Variants in PDE1A observed in about 807,000 individuals in gnomAD.
PDE1A encodes the protein dual specificity calcium/calmodulin-dependent 3',5'-cyclic nucleotide phosphodiesterase 1A.
Under a neutral mutation model 61.7 loss-of-function variants are expected in PDE1A, and 35 were observed. The ratio of observed to expected loss-of-function variants is 0.57; its 90% confidence interval spans 0.43 to 0.75. The LOEUF is 0.75. Ranked by LOEUF, PDE1A falls within the 30% of genes least tolerant of loss-of-function variation. PDE1A has a pLI of 0.00. For synonymous variants in PDE1A, 232 were observed against 213.2 expected, an observed-to-expected ratio of 1.09 and a Z score of -0.77; for missense variants, 597 against 630.6, an observed-to-expected ratio of 0.95 and a Z score of 0.57.
At chr2:182,180,232 TATAG>T (rs1684640454) in intron 13 of PDE1A, among the ~76,000 whole-genome samples, 2 of 152,190 alleles carry the variant, frequency 1.3e-5, no homozygotes, top group African/African-American at 2.4e-5. Flanking sequence ...ATAAATGAAT[TATAG>T]ATACATATAT....
At chr2:182,320,765 A>G (rs959835486) in intron 1 of PDE1A, among the ~76,000 whole-genome samples, 3 of 152,216 alleles carry the variant, frequency 2.0e-5, no homozygotes, top group African/African-American at 7.2e-5. Context: ...ATAAATTTAG[A>G]CATGTCATTT....
intron 2 of PDE1A, among the ~76,000 whole-genome samples, chr2:182,435,139 A>G (rs1704146071): frequency 1.3e-5 from 2 of 152,060 alleles, no homozygotes; most frequent in South Asian, 4.1e-4. Flanking sequence ...GTAACATTAT[A>G]TGAAAACATC....
At chr2:182,279,880 C>T (rs963019528) in intron 1 of PDE1A, among the ~76,000 whole-genome samples, 1 of 151,810 alleles carries the variant, frequency 6.6e-6, no homozygotes, top group African/African-American at 2.4e-5. Flanking sequence ...TTTTACTCTA[C>T]ATTTTAAAAT....
intron 3 of PDE1A, among the ~76,000 whole-genome samples, chr2:182,238,266 C>CAAAAAAAAAAAAAAAAAAAAAAAA (rs3063250): frequency 3.1e-4 from 30 of 97,988 alleles, no homozygotes; most frequent in East Asian, 6.5e-4. Context: ...CAGACTACGT[C>CAAAAAAAAAAAAAAAAAAAAAAAA]AAAAAAAAAA....
chr2:182,639,397 G>A, the PDE1A span, among the ~76,000 whole-genome samples: 10 of 152,014 alleles, frequency 6.6e-5, no homozygotes, highest in Non-Finnish European at 1.0e-4. Flanking sequence ...GCGAAAACCC[G>A]TCTCTTACAA....
Position 182,233,223 on chromosome 2 carries a change from C to A in PDE1A, c.417+1209G>T, listed in dbSNP as rs540829974. Among the ~76,000 whole-genome samples, 4 of 152,192 alleles carry A rather than the reference C, an allele frequency of 2.6e-5. No homozygotes were observed. The South Asian group carries it at 8.3e-4, about 32-fold the overall frequency. On this transcript the variant is annotated intron_variant, in intron 4 of 13. Coordinates refer to ENST00000351439, the Ensembl canonical transcript of PDE1A. ...CAAGAACCGAGGAATGATTAATATC[C>A]TTTAATGCAATGGTCCTCAATATTT...
chr2:182,495,035 C>G (rs897783715), intron 2 of PDE1A, among the ~76,000 whole-genome samples: 1 of 152,120 alleles, frequency 6.6e-6, no homozygotes, highest in East Asian at 1.9e-4. Flanking sequence ...TCCACTCTGT[C>G]GGGGGTGCTC....
chr2:182,239,199 C>T (rs188183323), intron 3 of PDE1A, among the ~76,000 whole-genome samples: 6 of 152,170 alleles, frequency 3.9e-5, no homozygotes, highest in South Asian at 2.1e-4. Flanking sequence ...TATTGATTAA[C>T]GGTAATGCCT....
At chr2:182,557,266 CATTAA>C in the PDE1A span, among the ~76,000 whole-genome samples, 5 of 152,200 alleles carry the variant, frequency 3.3e-5, no homozygotes, top group Admixed American at 1.3e-4. Flanking sequence ...AAAAAGAATA[CATTAA>C]ATTTTATGAA....
chr2:182,635,668 G>GTA, the PDE1A span, among the ~76,000 whole-genome samples: 1 of 149,670 alleles, frequency 6.7e-6, no homozygotes, highest in Non-Finnish European at 1.5e-5. Flanking sequence ...TGTTTTAAGA[G>GTA]TATCTATCTC....
chr2:182,713,904 G>C, the PDE1A span, among the ~76,000 whole-genome samples: 16 of 152,242 alleles, frequency 1.1e-4, 1 homozygote, highest in East Asian at 2.9e-3. Context: ...CCAATCTTTA[G>C]TCTACTACAA....
intron 10 of PDE1A, among the ~76,000 whole-genome samples, chr2:182,196,365 G>C (rs976459695): frequency 6.6e-6 from 1 of 151,838 alleles, no homozygotes; most frequent in Non-Finnish European, 1.5e-5. Flanking sequence ...AATACAAATC[G>C]TGATATTATT....
the PDE1A span, among the ~76,000 whole-genome samples, chr2:182,648,767 C>T: frequency 6.7e-6 from 1 of 149,794 alleles, no homozygotes; most frequent in Non-Finnish European, 1.5e-5. Context: ...TTTAAATAAA[C>T]ACCAACAAAG....
chr2:182,518,568 T>C (rs1690360886), intron 2 of PDE1A, among the ~76,000 whole-genome samples: 1 of 152,144 alleles, frequency 6.6e-6, no homozygotes, highest in Non-Finnish European at 1.5e-5. Context: ...GAGGTATGTG[T>C]CGAGACGTGT....
chr2:182,679,351 T>A, the PDE1A span, among the ~76,000 whole-genome samples: 1 of 109,962 alleles, frequency 9.1e-6, no homozygotes, highest in Non-Finnish European at 1.9e-5. Flanking sequence ...GCTCAGCTAA[T>A]TTTTTTTTTT....
At chr2:182,190,407 C>G (rs775484065) in intron 10 of PDE1A, among the ~76,000 whole-genome samples, 5 of 152,172 alleles carry the variant, frequency 3.3e-5, no homozygotes, top group African/African-American at 1.2e-4. Context: ...ATTAATGCCA[C>G]TAGTCTTAGA....
chr2:182,495,172 T>C (rs1008179206), intron 2 of PDE1A, among the ~76,000 whole-genome samples: 3 of 152,184 alleles, frequency 2.0e-5, no homozygotes, highest in South Asian at 2.1e-4. Flanking sequence ...TTGGATCTTC[T>C]TTCTCCTTGC....
At chr2:182,602,489 A>G in the PDE1A span, among the ~76,000 whole-genome samples, 33,909 of 152,204 alleles carry the variant, frequency 0.22, 4,020 homozygotes, top group Middle Eastern at 0.33. Context: ...TACTTGGTCA[A>G]CCCACAGATT....
At chr2:182,299,778 C>T (rs1045989318) in intron 1 of PDE1A, among the ~76,000 whole-genome samples, 8 of 152,058 alleles carry the variant, frequency 5.3e-5, no homozygotes, top group Non-Finnish European at 1.2e-4. Context: ...CACATGATTG[C>T]ATAACAATGT....
Sources: gnomAD v4.1 joint callset for allele counts (sites outside exome capture counted in the v4.1 genomes callset) on GRCh38, gnomAD v4.1.1 for gene constraint, MANE v1.5 for transcripts, NCBI Gene and HGNC (gene_info 2026-07-23, HGNC 2026-07-21) for gene names.